HECTD4: variants seen among roughly 807,000 people sequenced by gnomAD.
HECTD4 encodes the protein HECT domain E3 ubiquitin protein ligase 4.
HECTD4 carries 114 observed loss-of-function variants against 471.5 expected under a neutral mutation model. The ratio of observed to expected loss-of-function variants is 0.24; its 90% CI spans 0.21 to 0.28. The LOEUF is 0.28. HECTD4 is among the 10% of genes least tolerant of loss of function. The pLI is 1.00. For synonymous variants in HECTD4, 2,012 were observed against 2,256.0 expected (o/e 0.89, Z 3.07); for missense variants, 3,866 against 5,651.5 (o/e 0.68, Z 10.13).
chr12:112,210,919 A>G (rs1191232407), intron 49 of HECTD4, among the ~76,000 whole-genome samples: 2 of 152,266 alleles, frequency 1.3e-5, no homozygotes, highest in Non-Finnish European at 2.9e-5. Context: ...TGTTGAATGC[A>G]TGAATGGAAC....
In HECTD4 at chr12:112,184,408, T is replaced by C. The variant is rs752297722; in HGVS notation, c.10558A>G (p.Ile3520Val). The C allele has an allele frequency of 5.6e-6, 9 of 1,607,176 alleles. No homozygotes were observed. Among genetic ancestry groups the C allele is most frequent in the Non-Finnish European group, 7.6e-6 (9 of 1,177,464 alleles). Residue 3520 changes from isoleucine to valine, a missense_variant, in exon 61 of 76, where the codon ATC becomes GTC. Around this residue, in one of 16 missense-constraint regions of HECTD4, gnomAD observed 192 missense variants for 189.9 expected, o/e 1.01. Transcript: ENST00000682272. The surrounding 1 kb of genome is among the most constrained non-coding windows in gnomAD (Gnocchi z 9.1). ...DPLPAGLELP[I>V]PPGLLEPHAV... is the part of the protein sequence containing the mutation. Reference sequence around the variant, plus strand: ...TGGGGCTCCAACAGGCCCGGAGGGATGGGCAGCTCGAGGCCGGCAGGCAGC... The same window carrying C: ...TGGGGCTCCAACAGGCCCGGAGGGACGGGCAGCTCGAGGCCGGCAGGCAGC...
intron 60 of HECTD4, among the ~76,000 whole-genome samples, chr12:112,187,905 C>T (rs533134760): frequency 6.6e-6 from 1 of 151,748 alleles, no homozygotes; most frequent in Non-Finnish European, 1.5e-5. Flanking sequence ...GGATTACAGG[C>T]ATGAGCCACT....
intron 8 of HECTD4, among the ~76,000 whole-genome samples, chr12:112,281,954 T>G (rs928835229): frequency 6.6e-6 from 1 of 152,142 alleles, no homozygotes; most frequent in Non-Finnish European, 1.5e-5. Flanking sequence ...TTAATGTTTT[T>G]GGGGGTCATA....
chr12:112,236,240 T>C (rs2033500303), intron 35 of HECTD4, among the ~76,000 whole-genome samples: 1 of 152,240 alleles, frequency 6.6e-6, no homozygotes, highest in Non-Finnish European at 1.5e-5. Flanking sequence ...AATGGGGGCT[T>C]GGATCCTGGT....
In HECTD4 at chr12:112,193,282, A is replaced by G; in HGVS notation, c.8956-91T>C. 6.6e-7 allele frequency: 1 copy of G among 1,509,508 alleles called. No homozygotes were observed. The highest frequency in any genetic ancestry group is 1.2e-5 in the South Asian group (1 of 82,236). The allele number at this position is 1,509,508 out of a possible 1,614,324, so 93.5% of individuals were successfully genotyped here. A position where few individuals can be genotyped will look rare whatever the true frequency, so the allele number is the denominator to read the frequency against. On this transcript the variant is annotated intron_variant, in intron 57 of 75. Coordinates refer to ENST00000682272, the MANE Select transcript of HECTD4 (RefSeq NM_001388303.1). This position sits in a 1 kb window ranked among gnomAD's most constrained non-coding sequence, Gnocchi z 5.2. ...TCTCACATGGCCCAGGAAATCAGCCAAACGACTAAATAGCCCTCTGGAAGG... is the reference window on the plus strand; with the variant it reads ...TCTCACATGGCCCAGGAAATCAGCCGAACGACTAAATAGCCCTCTGGAAGG...
rs755587067 is a variant in HECTD4 at position 112,228,177 on chromosome 12, G to A, written c.6766C>T (p.Leu2256Phe). ...GCAGGAAGTGAGGTGTGAATAGAGA[G>A]ACTTCCCTCCTGAGGAAGCAACATG... The part of the protein sequence containing the change: ...QSMLLPQEGS[L>F]SIHTSLPATG... The change falls in exon 43 of 76, where the codon CTC becomes TTC. Residue 2256 changes from leucine (L) to phenylalanine (F), a missense_variant. Coordinates refer to ENST00000682272, the MANE Select transcript of HECTD4 (RefSeq NM_001388303.1). This position sits in a 1 kb window ranked among gnomAD's most constrained non-coding sequence, Gnocchi z 4.9. The A allele has an allele frequency of 6.2e-7, 1 of 1,613,890 alleles. No individual in the cohort carries two copies. The highest frequency in any genetic ancestry group is 1.1e-5 in the South Asian group (1 of 91,066).
In HECTD4 at chr12:112,231,561, T is replaced by C. The variant is rs754158926; in HGVS notation, c.6152A>G (p.Lys2051Arg). 1 of 1,614,050 alleles carries C rather than the reference T, an allele frequency of 6.2e-7. No homozygotes were observed. The highest frequency in any genetic ancestry group is 8.5e-7 in the Non-Finnish European group (1 of 1,179,900). Residue 2051 changes from lysine (K) to arginine (R), a missense_variant, in exon 39 of 76, where the codon AAA (lysine) becomes AGA (arginine). Physicochemically the swap from Lys to Arg is conservative, Grantham distance 26 (BLOSUM62 2). Around this residue, in one of 16 missense-constraint regions of HECTD4, gnomAD observed 617 missense variants for 915.1 expected, o/e 0.67. Coordinates refer to ENST00000682272, the MANE Select transcript of HECTD4 (RefSeq NM_001388303.1). ...TCGGCAAATGGAAGTTTGGGCAGTT[T>C]TCTTTTTGTCGCCTGTGGATAGTCC... is the stretch of plus-strand genomic sequence containing the variant. ...VSGLSTGDKKKTAQTSICRER... is the reference protein window; with the variant it reads ...VSGLSTGDKKRTAQTSICRER...
In HECTD4 at chr12:112,179,286, T is replaced by C; in HGVS notation, c.11099A>G (p.Asp3700Gly). The C allele has an allele frequency of 6.2e-7, 1 of 1,613,568 alleles. No homozygotes were observed. The stretch of plus-strand genomic sequence containing the variant: ...GATCTGCTCTTTGCTAAGATAAATG[T>C]CAGAGACTCTGATGGGCTTCGCTGG... Reference protein sequence around the residue: ...LTPAKPIRVSDIYLSKEQINS... With the variant: ...LTPAKPIRVSGIYLSKEQINS... The change falls in exon 63 of 76, where the codon GAC becomes GGC. Residue 3700 changes from aspartate (D) to glycine (G), a missense_variant. By Grantham distance (94) the Asp-to-Gly change is moderately conservative. Coordinates refer to ENST00000682272, the MANE Select transcript of HECTD4 (RefSeq NM_001388303.1). The surrounding 1 kb of genome is among the most constrained non-coding windows in gnomAD (Gnocchi z 4.3).
chr12:112,170,221 C>T (rs2031158816), intron 69 of HECTD4, 112 bp downstream of exon 69: 1 of 1,430,902 alleles, frequency 7.0e-7, no homozygotes, highest in East Asian at 2.5e-5. Context: ...AGCAGAACGA[C>T]AGGAGGAACC....
chr12:112,185,158 G>A lies in HECTD4; in HGVS notation c.9808C>T (p.Pro3270Ser), dbSNP rs1301349936. The A allele has an allele frequency of 1.3e-6, 2 of 1,552,640 alleles. No homozygotes were observed. The highest frequency in any genetic ancestry group is 1.7e-6 in the Non-Finnish European group (2 of 1,147,502). ...CTGGCTGTGACACTCATGTTAGTAG[G>A]CAGGGTCACTTCGGCCACAGCCAGG... ...GCLAVAEVTL[P>S]TNMSVTASGV... Residue 3270 changes from proline to serine, a missense_variant, in exon 61 of 76, where the codon CCT becomes TCT. Pro to Ser is a moderately conservative substitution (Grantham distance 74). This residue lies in a region of HECTD4 where 38 missense variants were observed against 72.1 expected (regional missense o/e 0.53). Coordinates refer to ENST00000682272, the MANE Select transcript of HECTD4 (RefSeq NM_001388303.1).
intron 60 of HECTD4, among the ~76,000 whole-genome samples, chr12:112,186,634 C>T (rs1434330086): frequency 1.3e-5 from 2 of 149,128 alleles, no homozygotes; most frequent in Non-Finnish European, 3.0e-5. Flanking sequence ...CCACTGTGCC[C>T]GACCTTCTTT....
At chr12:112,301,428 C>T (rs1296896538) in intron 7 of HECTD4, among the ~76,000 whole-genome samples, 2 of 152,124 alleles carry the variant, frequency 1.3e-5, no homozygotes, top group Non-Finnish European at 2.9e-5. Flanking sequence ...ATGATCTGCC[C>T]ACCTCAGCCT....
chr12:112,299,191 T>A (rs2035112184), intron 7 of HECTD4, among the ~76,000 whole-genome samples: 1 of 152,220 alleles, frequency 6.6e-6, no homozygotes. Flanking sequence ...TCCTATTTTT[T>A]CTTTTTTGCT....
In HECTD4 at chr12:112,179,143, C is replaced by T. The variant is rs553248934; in HGVS notation, c.11211+31G>A. ...TTCGCCCTGCAGGGCACCCAAGGCC[C>T]GGCCTGGGTATGGTGGGGACGGGCA... On this transcript the variant is annotated intron_variant, in intron 63 of 75. Transcript: ENST00000682272. This position sits in a 1 kb window ranked among gnomAD's most constrained non-coding sequence, Gnocchi z 4.3. 2.0e-5 allele frequency: 32 copies of T among 1,613,342 alleles called. No individual in the cohort carries two copies. Among genetic ancestry groups the T allele is most frequent in the Admixed American group, 1.2e-4 (7 of 59,926 alleles).
At chr12:112,208,893 CTTTTTTTTT>C (rs756330403) in intron 50 of HECTD4, among the ~76,000 whole-genome samples, 43 of 72,458 alleles carry the variant, frequency 5.9e-4, no homozygotes, top group Non-Finnish European at 8.9e-4. Context: ...ACTAAACAGG[CTTTTTTTTT>C]TTTTTTTTTT....
rs1235100937 is a variant in HECTD4 at position 112,185,171 on chromosome 12, G to A, written c.9795C>T (p.Ala3265=). ...HALMEGCLAV[A]EVTLPTNMSV... ...TCATGTTAGTAGGCAGGGTCACTTC[G>A]GCCACAGCCAGGCACCCTTCCATGA... is the stretch of plus-strand genomic sequence containing the variant. Residue 3265 remains alanine, a synonymous_variant, in exon 61 of 76, where the codon GCC becomes GCT. Transcript: ENST00000682272. 25 of 1,551,996 alleles carry A rather than the reference G, an allele frequency of 1.6e-5. No homozygotes were observed. Among genetic ancestry groups the A allele is most frequent in the Middle Eastern group, 1.7e-4 (1 of 5,992 alleles).
intron 9 of HECTD4, among the ~76,000 whole-genome samples, chr12:112,277,141 C>T (rs2034543636): frequency 6.6e-6 from 1 of 152,124 alleles, no homozygotes; most frequent in African/African-American, 2.4e-5. Flanking sequence ...ATGTTCATAA[C>T]AGCATTATTC....
chr12:112,347,437 G>A (rs994085675), intron 1 of HECTD4, among the ~76,000 whole-genome samples: 1 of 152,136 alleles, frequency 6.6e-6, no homozygotes, highest in Non-Finnish European at 1.5e-5. Context: ...TGCAACCCGG[G>A]AGGCAGTGGT....
chr12:112,170,737 G>C (rs2031182452), intron 68 of HECTD4: 2 of 488,212 alleles, frequency 4.1e-6, no homozygotes, highest in South Asian at 5.8e-5. Context: ...ACAAAAAGCT[G>C]TGTGTGTGCA....
Sources: gnomAD v4.1 joint callset for allele counts (sites outside exome capture counted in the v4.1 genomes callset) on GRCh38, gnomAD v4.1.1 for gene constraint, gnomAD v4.1.1 regional missense constraint, Gnocchi (gnomAD v3.1) non-coding constraint, MANE v1.5 for transcripts, NCBI Gene and HGNC (gene_info 2026-07-23, HGNC 2026-07-21) for gene names.